The following NPHS1 variants were observed in gnomAD, a reference collection of about 807,000 sequenced individuals.
The protein encoded by NPHS1 is nephrin.
A neutral mutation model predicts 139.7 loss-of-function variants in NPHS1; 107 were observed. The ratio of observed to expected loss-of-function variants is 0.77; its 90% CI spans 0.66 to 0.90. The LOEUF is 0.90. Ranked by LOEUF, NPHS1 falls within the 40% of genes least tolerant of loss-of-function variation. NPHS1 has a pLI of 0.00. For missense variants in NPHS1, 1,580 were observed against 1,654.2 expected (o/e 0.96, Z 0.78); for synonymous variants, 707 against 706.6 (o/e 1.00, Z -0.01).
rs746034164 is a variant in NPHS1 at position 35,826,527 on chromosome 19, C to T, written c.3713G>A (p.Gly1238Glu). ...EPDSLPFELRGHLV is the reference protein window; with the variant it reads ...EPDSLPFELREHLV ...TTGAGAGGGCTCTTACACCAGATGT[C>T]CCCTCAGCTCGAAGGGCAGAGAATC... The change falls in exon 29 of 29, where the codon GGA (glycine) becomes GAA (glutamate). Residue 1238 changes from glycine to glutamate, a missense_variant. Coordinates refer to ENST00000378910, the MANE Select transcript of NPHS1 (RefSeq NM_004646.4). The T allele has an allele frequency of 6.2e-7, 1 of 1,613,760 alleles. No individual in the cohort carries two copies. The highest frequency in any genetic ancestry group is 8.5e-7 in the Non-Finnish European group (1 of 1,180,010).
In NPHS1 at chr19:35,842,481, G is replaced by T. The variant is rs386833911; in HGVS notation, c.2404C>A (p.Arg802=). The change falls in exon 18 of 29, where the codon CGG becomes AGG. Residue 802 remains arginine (R), a synonymous_variant. Transcript: ENST00000378910. ...TGGGCCAGTTTGGCATGGTGAATCCGCAGGCGCCCCGTTGGTCCCCTGGAT... is the reference window on the plus strand; with the variant it reads ...TGGGCCAGTTTGGCATGGTGAATCCTCAGGCGCCCCGTTGGTCCCCTGGAT... ...KISRGPTGRL[R]IHHAKLAQAG... The T allele has an allele frequency of 2.3e-5, 37 of 1,614,134 alleles. 1 individual carries two copies. In the East Asian group the frequency reaches 6.9e-4, roughly 30 times the overall value.
At position 35,845,806 on chromosome 19, in the gene NPHS1, A is replaced by G. The variant is rs1406629859; in HGVS notation, c.1628-8T>C. 3 of 1,611,530 alleles carry G rather than the reference A, an allele frequency of 1.9e-6. No individual in the cohort carries two copies. The highest frequency in any genetic ancestry group is 2.5e-6 in the Non-Finnish European group (3 of 1,178,300). On this transcript the variant is annotated splice_region_variant and splice_polypyrimidine_tract_variant and intron_variant, in intron 12 of 28. Coordinates refer to ENST00000378910, the MANE Select transcript of NPHS1 (RefSeq NM_004646.4). The surrounding 1 kb of genome is among the most constrained non-coding windows in gnomAD (Gnocchi z 5.5). ...TCACGTTAGTTGGGGGAACTGGGAG[A>G]CGGGGTTGGAGGAGCGAGACTCAGA...
chr19:35,844,053 T>C (rs1333876121), intron 16 of NPHS1, 50 bp downstream of exon 16: 8 of 1,593,728 alleles, frequency 5.0e-6, no homozygotes, highest in Non-Finnish European at 6.8e-6. Flanking sequence ...GACTCCACAA[T>C]GGGCAAGGTT....
At chr19:35,831,568 C>A in intron 24 of NPHS1, 68 bp from the exon 25 acceptor site, 1 of 1,612,658 alleles carries the variant, frequency 6.2e-7, no homozygotes, top group East Asian at 2.2e-5. Context: ...CCAGGAAGAC[C>A]TTCAGTATGC....
chr19:35,851,098 A>T lies in NPHS1; in HGVS notation c.398-9T>A. The T allele has an allele frequency of 2.5e-6, 4 of 1,614,116 alleles. No homozygotes were observed. The highest frequency in any genetic ancestry group is 3.4e-6 in the Non-Finnish European group (4 of 1,180,026). ...GAGCAGCTTGGGAGGAACTGGTGAG[A>T]GAAGGGTCTGGGGTAAGCTTCCAGC... On this transcript the variant is annotated splice_polypyrimidine_tract_variant and intron_variant, in intron 3 of 28. Transcript: ENST00000378910.
At chr19:35,848,848 G>A (rs1347766968) in intron 8 of NPHS1, 54 bp from the exon 9 acceptor site, 2 of 1,613,074 alleles carry the variant, frequency 1.2e-6, no homozygotes, top group Non-Finnish European at 1.7e-6. Context: ...TCACAGACCA[G>A]CCCAGACAGA....
In NPHS1 at chr19:35,845,385, T is replaced by C. The variant is rs141141839; in HGVS notation, c.1913A>G (p.Tyr638Cys). ...GCACATACACAGTACGTTGAGGCGA[T>C]AGAAGGAGCTCACGGTTTCGCGGAG... ...AELRETVSSF[Y>C]RLNVLYRPEF... Residue 638 changes from tyrosine to cysteine, a missense_variant, in exon 14 of 29, where the codon TAT (tyrosine) becomes TGT (cysteine). Transcript: ENST00000378910. This position sits in a 1 kb window ranked among gnomAD's most constrained non-coding sequence, Gnocchi z 5.5. 9.8e-5 allele frequency: 158 copies of C among 1,614,102 alleles called. No individual in the cohort carries two copies. In the African/African-American group the frequency reaches 1.8e-3, roughly 18 times the overall value.
rs1291589641 is a variant in NPHS1 at position 35,845,595 on chromosome 19, AC to A, written c.1758-56del. 6.2e-7 allele frequency: 1 copy of A among 1,606,898 alleles called. No individual in the cohort carries two copies. The highest frequency in any genetic ancestry group is 8.5e-7 in the Non-Finnish European group (1 of 1,176,404). On this transcript the variant is annotated intron_variant, in intron 13 of 28. Transcript: ENST00000378910. The surrounding 1 kb of genome is among the most constrained non-coding windows in gnomAD (Gnocchi z 5.5). ...GAGCGGAGCCAGAGGCTGGAGAGGC[AC>A]TAGGCGGGGGCGGGACATGCGTGGA... is the stretch of plus-strand genomic sequence containing the variant.
chr19:35,827,275 G>A (rs1463167845), intron 28 of NPHS1, among the ~76,000 whole-genome samples: 5 of 151,876 alleles, frequency 3.3e-5, no homozygotes, highest in African/African-American at 1.2e-4. Flanking sequence ...GGGATTATGA[G>A]CCACTGCACC....
intron 23 of NPHS1, among the ~76,000 whole-genome samples, chr19:35,835,196 T>C (rs1972939500): frequency 3.1e-5 from 2 of 64,560 alleles, no homozygotes; most frequent in African/African-American, 1.1e-4. Flanking sequence ...TGAGACTCTG[T>C]CTCAAAAAAA....
rs781415913 is a variant in NPHS1, at chr19:35,845,515, G to A, written c.1783C>T (p.Arg595Trp). ...ERLEGVAAPP[R>W]RAPFKGSAAA... Reference sequence around the variant, plus strand: ...GCGGAGCCTTTGAATGGGGCTCTCCGGGGTGGGGCGGCCACGCCCTCCAGC... The same window carrying A: ...GCGGAGCCTTTGAATGGGGCTCTCCAGGGTGGGGCGGCCACGCCCTCCAGC... The change falls in exon 14 of 29, where the codon CGG becomes TGG. Residue 595 changes from arginine to tryptophan, a missense_variant. Arg to Trp is a moderately radical substitution (Grantham distance 101). Transcript: ENST00000378910. The surrounding 1 kb of genome is among the most constrained non-coding windows in gnomAD (Gnocchi z 5.5). 5 of 1,610,230 alleles carry A rather than the reference G, an allele frequency of 3.1e-6. No homozygotes were observed. The highest frequency in any genetic ancestry group is 4.2e-6 in the Non-Finnish European group (5 of 1,178,696).
Position 35,831,777 on chromosome 19 carries a change from T to C in NPHS1, c.3167-15A>G. ...CCCCGAGGGTCCTAGGGGTGGAAGA[T>C]ACCCCTCAGTGAATCCCAGACAACA... On this transcript the variant is annotated splice_polypyrimidine_tract_variant and intron_variant, in intron 23 of 28. Coordinates refer to ENST00000378910, the MANE Select transcript of NPHS1 (RefSeq NM_004646.4). 1 of 1,556,386 alleles carries C rather than the reference T, an allele frequency of 6.4e-7. No individual in the cohort carries two copies. Among genetic ancestry groups the C allele is most frequent in the Non-Finnish European group, 8.7e-7 (1 of 1,151,500 alleles).
intron 20 of NPHS1, 146 bp downstream of exon 20, chr19:35,841,569 G>C (rs1973055795): frequency 3.5e-6 from 3 of 868,328 alleles, no homozygotes; most frequent in African/African-American, 1.7e-5. Context: ...GTCTCCATTA[G>C]GATTTTCAGG....
rs1329519974 is a variant in NPHS1 at position 35,845,093 on chromosome 19, C to G, written c.1930+275G>C. ...GACCAGCCTGGGCAACATAGTGAGA[C>G]CCCGTTGCTACAAAAAGTAAAAATA... On this transcript the variant is annotated intron_variant, in intron 14 of 28. Transcript: ENST00000378910. The surrounding 1 kb of genome is among the most constrained non-coding windows in gnomAD (Gnocchi z 5.5). Among the ~76,000 whole-genome samples the G allele has an allele frequency of 6.6e-6, 1 of 152,168 alleles. No individual in the cohort carries two copies. The highest frequency in any genetic ancestry group is 1.5e-5 in the Non-Finnish European group (1 of 68,032).
chr19:35,837,034 GAAAGAAAGAAAGA>G (rs900898864), intron 22 of NPHS1, among the ~76,000 whole-genome samples: 1 of 67,140 alleles, frequency 1.5e-5, no homozygotes, highest in African/African-American at 8.8e-5. Context: ...AGAAAAGAAA[GAAAGAAAGAAAGA>G]AAGAAAGAAA....
rs1972792854 is a variant in NPHS1 at position 35,825,708 on chromosome 19, G to A, written c.*806C>T. On this transcript the variant is annotated 3_prime_UTR_variant, in exon 29 of 29. Coordinates refer to ENST00000378910, the MANE Select transcript of NPHS1 (RefSeq NM_004646.4). ...GTCTGTTTATTTTAATGCTTATGGAGCATACTTATGTTTACATGTGTCATA... is the reference window on the plus strand; with the variant it reads ...GTCTGTTTATTTTAATGCTTATGGAACATACTTATGTTTACATGTGTCATA... Among the ~76,000 whole-genome samples the A allele has an allele frequency of 6.6e-6, 1 of 152,098 alleles. No homozygotes were observed. Among genetic ancestry groups the A allele is most frequent in the Admixed American group, 6.6e-5 (1 of 15,262 alleles).
chr19:35,843,402 C>T (rs367835485), intron 17 of NPHS1, 70 bp downstream of exon 17: 7 of 1,589,790 alleles, frequency 4.4e-6, no homozygotes, highest in Admixed American at 1.7e-5. Flanking sequence ...TCCCCACTCC[C>T]AAGGAACTCA....
intron 22 of NPHS1, among the ~76,000 whole-genome samples, chr19:35,836,250 C>T (rs1044761265): frequency 1.6e-4 from 23 of 146,428 alleles, no homozygotes; most frequent in East Asian, 2.0e-4. Context: ...TGAGCCACTG[C>T]GCCTGGCCAT....
At position 35,850,942 on chromosome 19, in the gene NPHS1, C is replaced by G; in HGVS notation, c.526+19G>C. 6.2e-7 allele frequency: 1 copy of G among 1,613,678 alleles called. No homozygotes were observed. The highest frequency in any genetic ancestry group is 8.5e-7 in the Non-Finnish European group (1 of 1,179,966). The stretch of plus-strand genomic sequence containing the variant: ...GAGGCTTCATGCTGCCCCCTGCCAC[C>G]CAGTTCACCCACACTCACTCAGGAG... On this transcript the variant is annotated intron_variant, in intron 4 of 28. Coordinates refer to ENST00000378910, the MANE Select transcript of NPHS1 (RefSeq NM_004646.4).
Sources: gnomAD v4.1 joint callset for allele counts (sites outside exome capture counted in the v4.1 genomes callset) on GRCh38, gnomAD v4.1.1 for gene constraint, Gnocchi (gnomAD v3.1) non-coding constraint, MANE v1.5 for transcripts, NCBI Gene and HGNC (gene_info 2026-07-23, HGNC 2026-07-21) for gene names.